NOS1: variants seen among roughly 807,000 people sequenced by gnomAD.
NOS1 encodes the protein nitric oxide synthase 1.
NOS1 carries 51 observed loss-of-function variants against 164.5 expected under a neutral mutation model. The ratio of observed to expected loss-of-function variants is 0.31; its 90% CI spans 0.25 to 0.39. NOS1 has a LOEUF of 0.39. Ranked by LOEUF, NOS1 falls within the 10% of genes least tolerant of loss-of-function variation. NOS1 has a pLI of 1.00. For synonymous variants in NOS1, 719 were observed against 745.8 expected, an observed-to-expected ratio of 0.96 and a Z score of 0.59; for missense variants, 1,362 against 1,885.6, an observed-to-expected ratio of 0.72 and a Z score of 5.14.
At chr12:117,304,167 A>G (rs997913002) in intron 3 of NOS1, among the ~76,000 whole-genome samples, 3 of 151,772 alleles carry the variant, frequency 2.0e-5, no homozygotes, top group African/African-American at 7.3e-5. Flanking sequence ...GCGAGACTCC[A>G]TCTCAAAAAA....
At chr12:117,290,831 G>A (rs1873001886) in intron 3 of NOS1, among the ~76,000 whole-genome samples, 2 of 152,052 alleles carry the variant, frequency 1.3e-5, no homozygotes, top group Admixed American at 6.5e-5. Context: ...CCTAAAGCTG[G>A]GTCGATTTAC....
chr12:117,332,071 C>T (rs1186184890), intron 1 of NOS1, among the ~76,000 whole-genome samples: 1 of 152,150 alleles, frequency 6.6e-6, no homozygotes, highest in African/African-American at 2.4e-5. Context: ...AGTCACACTA[C>T]AAACATAAAT....
intron 1 of NOS1, among the ~76,000 whole-genome samples, chr12:117,358,134 C>A (rs563443787): frequency 6.6e-6 from 1 of 152,158 alleles, no homozygotes; most frequent in African/African-American, 2.4e-5. Flanking sequence ...AGATTGTGAG[C>A]GCAACAGGCA....
At chr12:117,338,216 CAAACAAAACAAAAAA>C (rs1265531589) in intron 1 of NOS1, among the ~76,000 whole-genome samples, 1 of 150,048 alleles carries the variant, frequency 6.7e-6, no homozygotes, top group Non-Finnish European at 1.5e-5. Flanking sequence ...GACTCTGTCT[CAAACAAAACAAAAAA>C]AAACAAAACA....
intron 4 of NOS1, among the ~76,000 whole-genome samples, chr12:117,288,852 A>G (rs1248683471): frequency 1.3e-5 from 2 of 152,168 alleles, no homozygotes; most frequent in Non-Finnish European, 2.9e-5. Context: ...GAGAGACCAC[A>G]TGGAACAGGG....
rs528967202 is a variant in NOS1, at chr12:117,302,748, A to C, written c.852+8718T>G. On this transcript the variant is annotated intron_variant, in intron 3 of 28. Transcript: ENST00000317775. ...ATTGTTATCACTGTTACTTTTTAAA[A>C]TTTTTTTATTTTTTTGAGATAGGGT... Among the ~76,000 whole-genome samples, 546 of 152,136 alleles carry C rather than the reference A, an allele frequency of 3.6e-3. 7 individuals carry two copies. The highest frequency in any genetic ancestry group is 0.013 in the African/African-American group (524 of 41,548).
chr12:117,252,368 GT>G (rs1349881771), intron 17 of NOS1, among the ~76,000 whole-genome samples: 1 of 152,146 alleles, frequency 6.6e-6, no homozygotes, highest in Non-Finnish European at 1.5e-5. Flanking sequence ...AAAATATGCA[GT>G]GACCAGGCTG....
Position 117,272,704 on chromosome 12 carries a change from G to A in NOS1, c.1665-145C>T. ...TCCTGGGCCCTGCTTCAGATCTGTG[G>A]AATTGCAGGTTCTGCAGCTGGGGGC... is the stretch of plus-strand genomic sequence containing the variant. On this transcript the variant is annotated intron_variant, in intron 9 of 28. Coordinates refer to ENST00000317775, the MANE Select transcript of NOS1 (RefSeq NM_000620.5). The surrounding 1 kb of genome is among the most constrained non-coding windows in gnomAD (Gnocchi z 4.3). The A allele has an allele frequency of 1.4e-6, 1 of 718,558 alleles. No individual in the cohort carries two copies. Among genetic ancestry groups the A allele is most frequent in the Non-Finnish European group, 2.3e-6 (1 of 443,266 alleles). The allele number at this position is 718,558 out of a possible 1,614,324, so 44.5% of individuals were successfully genotyped here.
chr12:117,323,963 T>A (rs1490796924), intron 2 of NOS1, among the ~76,000 whole-genome samples: 3 of 151,446 alleles, frequency 2.0e-5, no homozygotes, highest in Admixed American at 6.6e-5. Context: ...TTTTTTTTTT[T>A]ATATTTAGCA....
intron 12 of NOS1, among the ~76,000 whole-genome samples, 170 bp from the exon 13 acceptor site, chr12:117,264,144 GGA>G (rs1491184487): frequency 5.3e-4 from 70 of 131,670 alleles, no homozygotes; most frequent in Non-Finnish European, 1.0e-3. Flanking sequence ...GGGGTTGGGG[GGA>G]GGGGGGGGGT....
chr12:117,328,733 C>A (rs1007284730), intron 2 of NOS1, among the ~76,000 whole-genome samples: 2 of 152,172 alleles, frequency 1.3e-5, no homozygotes, highest in Admixed American at 6.5e-5. Context: ...CCCAGCTAAT[C>A]CCTTTCCTGC....
Position 117,340,192 on chromosome 12 carries a change from C to T in NOS1, c.-420-8703G>A, listed in dbSNP as rs546599373. Reference sequence around the variant, plus strand: ...CTAATTTTTTAACTTTTTGTAGAAACGGTGTCTCACTATGTTGCTCAGGGT... The same window carrying T: ...CTAATTTTTTAACTTTTTGTAGAAATGGTGTCTCACTATGTTGCTCAGGGT... On this transcript the variant is annotated intron_variant, in intron 1 of 28. Transcript: ENST00000317775. Among the ~76,000 whole-genome samples the T allele has an allele frequency of 2.0e-4, 31 of 152,084 alleles. No individual in the cohort carries two copies. In the South Asian group the frequency reaches 2.7e-3, roughly 13 times the overall value.
chr12:117,242,680 T>C lies in NOS1; in HGVS notation c.2988A>G (p.Arg996=), dbSNP rs1336573907. 2.5e-6 allele frequency: 4 copies of C among 1,614,140 alleles called. No homozygotes were observed. Among genetic ancestry groups the C allele is most frequent in the Non-Finnish European group, 3.4e-6 (4 of 1,180,014 alleles). The change falls in exon 20 of 29, where the codon CGA becomes CGG. Residue 996 remains arginine, a synonymous_variant. Transcript: ENST00000317775. ...TQGLSNVHKK[R]VSAARLLSRQ... ...GGCTAAGGAGCCGGGCAGCTGAGAC[T>C]CGCTTTTTGTGGACATTGGATAGAC...
intron 5 of NOS1, 84 bp from the exon 6 acceptor site, chr12:117,286,350 C>G: frequency 7.0e-7 from 1 of 1,430,868 alleles, no homozygotes; most frequent in South Asian, 1.3e-5. Context: ...TTCCAAGAGG[C>G]TGGAAGCTAC....
rs1453117246 is a variant in NOS1 at position 117,356,794 on chromosome 12, G to T, written c.-421+4718C>A. Among the ~76,000 whole-genome samples, 1 of 152,156 alleles carries T rather than the reference G, an allele frequency of 6.6e-6. No individual in the cohort carries two copies. Among genetic ancestry groups the T allele is most frequent in the East Asian group, 1.9e-4 (1 of 5,202 alleles). On this transcript the variant is annotated intron_variant, in intron 1 of 28. Coordinates refer to ENST00000317775, the MANE Select transcript of NOS1 (RefSeq NM_000620.5). This position sits in a 1 kb window ranked among gnomAD's most constrained non-coding sequence, Gnocchi z 4.2. The stretch of plus-strand genomic sequence containing the variant: ...GTTGACACGTCATTTTCATTTAAAA[G>T]ATTCGAATGGGCTCAATTTTCCAGC...
At chr12:117,311,667 T>C in intron 2 of NOS1, 75 bp from the exon 3 acceptor site, 1 of 1,529,994 alleles carries the variant, frequency 6.5e-7, no homozygotes, top group Non-Finnish European at 8.9e-7. Flanking sequence ...CTGGAAGTCC[T>C]GAGTCTGTAC....
chr12:117,266,386 A>C (rs1343284954), intron 11 of NOS1, among the ~76,000 whole-genome samples: 1 of 152,126 alleles, frequency 6.6e-6, no homozygotes, highest in Non-Finnish European at 1.5e-5. Context: ...GAGTTACTTC[A>C]CTTAGAATAA....
intron 8 of NOS1, among the ~76,000 whole-genome samples, chr12:117,280,164 G>T (rs1455610522): frequency 6.6e-6 from 1 of 152,150 alleles, no homozygotes; most frequent in Admixed American, 6.5e-5. Context: ...GGGAGATGGT[G>T]GTAGTCACTT....
At chr12:117,358,876 C>G (rs1029370864) in intron 1 of NOS1, among the ~76,000 whole-genome samples, 2 of 152,234 alleles carry the variant, frequency 1.3e-5, no homozygotes, top group Non-Finnish European at 2.9e-5. Context: ...GGAAATACAG[C>G]TGTGTGTGCT....
Sources: allele counts gnomAD v4.1 joint callset (sites outside exome capture counted in the v4.1 genomes callset), GRCh38; gene constraint gnomAD v4.1.1; non-coding constraint Gnocchi (gnomAD v3.1); transcripts MANE v1.5; gene names NCBI Gene and HGNC (gene_info 2026-07-23, HGNC 2026-07-21).